RIC1: variants seen among roughly 807,000 people sequenced by gnomAD.
RIC1 encodes the protein guanine nucleotide exchange factor subunit RIC1.
Under a neutral mutation model 169.0 loss-of-function variants are expected in RIC1, and 88 were observed. The observed-to-expected ratio is 0.52, with a 90% CI of 0.44 to 0.62. RIC1 has a LOEUF of 0.62. RIC1 is among the 20% of genes least tolerant of loss of function. RIC1 has a pLI of 0.00. For missense variants in RIC1, 1,877 were observed against 1,725.5 expected (o/e 1.09, Z -1.56); for synonymous variants, 790 against 601.5 (o/e 1.31, Z -4.59).
chr9:5,663,460 G>A (rs1819574147), intron 2 of RIC1, among the ~76,000 whole-genome samples: 1 of 152,156 alleles, frequency 6.6e-6, no homozygotes, highest in African/African-American at 2.4e-5. Flanking sequence ...GGGAGTCTAA[G>A]TCTTTTTGAA....
At chr9:5,706,662 C>T (rs957542664) in intron 3 of RIC1, among the ~76,000 whole-genome samples, 2 of 152,034 alleles carry the variant, frequency 1.3e-5, no homozygotes, top group African/African-American at 4.8e-5. Context: ...TTTATTTCCT[C>T]GAGTCAGTTG....
chr9:5,688,891 G>C (rs900747862), intron 2 of RIC1, among the ~76,000 whole-genome samples: 1 of 152,062 alleles, frequency 6.6e-6, no homozygotes, highest in Non-Finnish European at 1.5e-5. Context: ...ACTTCACTCT[G>C]TTAGGCGTAA....
In RIC1 at chr9:5,746,015, G is replaced by C. The variant is rs769818525; in HGVS notation, c.1180G>C (p.Val394Leu). Residue 394 changes from valine to leucine, a missense_variant, in exon 11 of 26, where the codon GTA (valine) becomes CTA (leucine). Physicochemically the swap from Val to Leu is conservative, Grantham distance 32 (BLOSUM62 1). Transcript: ENST00000414202. Reference protein sequence around the residue: ...NTEIESDLRSVVKQPSILLFQ... With the variant: ...NTEIESDLRSLVKQPSILLFQ... ...TGAAATTGAGTCTGACCTCAGGAGT[G>C]TAGTTAAACAGCCCAGCATCCTGTT... 2 of 1,613,688 alleles carry C rather than the reference G, an allele frequency of 1.2e-6. No individual in the cohort carries two copies. Among genetic ancestry groups the C allele is most frequent in the Admixed American group, 3.3e-5 (2 of 60,018 alleles).
chr9:5,674,206 A>G (rs1374161998), intron 2 of RIC1, among the ~76,000 whole-genome samples: 1 of 152,116 alleles, frequency 6.6e-6, no homozygotes, highest in Non-Finnish European at 1.5e-5. Flanking sequence ...TATTTTTGTT[A>G]CTTTCTGTGT....
intron 2 of RIC1, among the ~76,000 whole-genome samples, chr9:5,668,800 G>GT (rs1819931102): frequency 1.3e-5 from 2 of 151,872 alleles, no homozygotes; most frequent in East Asian, 1.9e-4. Context: ...ATTTTCTTTA[G>GT]TTTTTTGCCC....
chr9:5,778,156 A>AT (rs2131179523), downstream of RIC1, among the ~76,000 whole-genome samples: 1 of 152,268 alleles, frequency 6.6e-6, no homozygotes, highest in East Asian at 1.9e-4. Context: ...GCTAAGTCTC[A>AT]TACTTTTGTT....
intron 7 of RIC1, among the ~76,000 whole-genome samples, chr9:5,735,333 T>TA (rs535904829): frequency 6.5e-4 from 99 of 152,204 alleles, no homozygotes; most frequent in African/African-American, 2.3e-3. Context: ...TTAGAGAAAA[T>TA]ACACAGAGAC....
At chr9:5,684,274 ACCCCCCCCCCCCCCCCC>A (rs71326181) in intron 2 of RIC1, among the ~76,000 whole-genome samples, 445 of 7,680 alleles carry the variant, frequency 0.058, 65 homozygotes, top group African/African-American at 0.11. Flanking sequence ...TCTTGGCTCC[ACCCCCCCCCCCCCCCCC>A]CCCCCCCCCC....
intron 6 of RIC1, among the ~76,000 whole-genome samples, chr9:5,724,726 G>A (rs896502934): frequency 5.3e-5 from 8 of 152,070 alleles, no homozygotes; most frequent in South Asian, 2.1e-4. Context: ...TTTGAGATAC[G>A]TCCCATCAAT....
intron 1 of RIC1, among the ~76,000 whole-genome samples, chr9:5,641,960 G>C (rs1210187317): frequency 7.0e-6 from 1 of 143,726 alleles, no homozygotes; most frequent in Non-Finnish European, 1.5e-5. Flanking sequence ...ATGTTTTCCT[G>C]GATGATCTTG....
chr9:5,640,138 G>A lies in RIC1; in HGVS notation c.144+10685G>A, dbSNP rs189946083. Among the ~76,000 whole-genome samples, 234 of 152,146 alleles carry A rather than the reference G, an allele frequency of 1.5e-3. 1 individual carries two copies. The highest frequency in any genetic ancestry group is 0.01 in the Middle Eastern group (3 of 294). On this transcript the variant is annotated intron_variant, in intron 1 of 25. Transcript: ENST00000414202. ...ATTTTCTGGTTGTTTTGTGGTCTTC[G>A]TTCTTTCTTTACTTGCTGTGTTCCT...
At chr9:5,722,749 A>G (rs1450497046) in intron 6 of RIC1, among the ~76,000 whole-genome samples, 1 of 150,774 alleles carries the variant, frequency 6.6e-6, no homozygotes, top group African/African-American at 2.4e-5. Context: ...GATGTTCCCC[A>G]CCTTGTGTCC....
At chr9:5,668,986 A>G (rs1292831731) in intron 2 of RIC1, among the ~76,000 whole-genome samples, 1 of 152,128 alleles carries the variant, frequency 6.6e-6, no homozygotes, top group East Asian at 1.9e-4. Flanking sequence ...TGAGAACTGG[A>G]CTGAGTATTA....
intron 2 of RIC1, among the ~76,000 whole-genome samples, chr9:5,664,590 T>TG (rs1054920738): frequency 6.6e-6 from 1 of 152,164 alleles, no homozygotes; most frequent in Non-Finnish European, 1.5e-5. Flanking sequence ...TTATATGTCT[T>TG]GGGGTTGATC....
At position 5,738,434 on chromosome 9, in the gene RIC1, G is replaced by A. The variant is rs368426238; in HGVS notation, c.813-16G>A. The stretch of plus-strand genomic sequence containing the variant: ...TGTCTTTTTTCACTAAAAGTTTTTC[G>A]TTGTTGTTTTCACAGTGGTTCTGTG... On this transcript the variant is annotated splice_polypyrimidine_tract_variant and intron_variant, in intron 7 of 25. Coordinates refer to ENST00000414202, the MANE Select transcript of RIC1 (RefSeq NM_020829.4). 56 of 1,552,248 alleles carry A rather than the reference G, an allele frequency of 3.6e-5. No homozygotes were observed. Among genetic ancestry groups the A allele is most frequent in the South Asian group, 9.5e-5 (8 of 83,842 alleles).
intron 3 of RIC1, among the ~76,000 whole-genome samples, chr9:5,690,917 A>C (rs928069806): frequency 6.6e-6 from 1 of 151,944 alleles, no homozygotes; most frequent in Admixed American, 6.6e-5. Context: ...AAGTATTTAG[A>C]CCCAGTAGTA....
intron 3 of RIC1, among the ~76,000 whole-genome samples, chr9:5,690,565 C>CTTTTT (rs5896126): frequency 6.9e-5 from 10 of 144,242 alleles, no homozygotes; most frequent in Non-Finnish European, 1.1e-4. Context: ...AGCATTCCAT[C>CTTTTT]TTTTTTTTTT....
At chr9:5,720,356 G>C (rs1224483510) in intron 5 of RIC1, 32 bp downstream of exon 5, 2 of 1,581,270 alleles carry the variant, frequency 1.3e-6, no homozygotes, top group East Asian at 4.5e-5. Flanking sequence ...GGTTGAACCA[G>C]TTGTTTAATG....
intron 3 of RIC1, among the ~76,000 whole-genome samples, chr9:5,696,163 CCTT>C: frequency 6.6e-6 from 1 of 152,188 alleles, no homozygotes; most frequent in Admixed American, 6.5e-5. Flanking sequence ...ATGTCCTCCT[CCTT>C]GTCTATTAAA....
Sources: gnomAD v4.1 joint callset for allele counts (sites outside exome capture counted in the v4.1 genomes callset) on GRCh38, gnomAD v4.1.1 for gene constraint, MANE v1.5 for transcripts, NCBI Gene and HGNC (gene_info 2026-07-23, HGNC 2026-07-21) for gene names.